TRPM3: variants seen among roughly 807,000 people sequenced by gnomAD.
TRPM3 encodes the protein long transient receptor potential channel 3.
TRPM3 carries 77 observed loss-of-function variants against 181.2 expected under a neutral mutation model. The observed-to-expected ratio is 0.42, with a 90% CI of 0.35 to 0.51. TRPM3 has a LOEUF of 0.51. TRPM3 is among the 20% of genes least tolerant of loss of function. The pLI is 0.01. For synonymous variants in TRPM3, 745 were observed against 796.4 expected (o/e 0.94, Z 1.09); for missense variants, 1,759 against 2,196.7 (o/e 0.80, Z 3.98).
intron 1 of TRPM3, among the ~76,000 whole-genome samples, chr9:71,264,821 C>G (rs1224137321): frequency 1.3e-5 from 2 of 152,126 alleles, no homozygotes; most frequent in African/African-American, 4.8e-5. Context: ...GTCCTTTCTT[C>G]TCACCTTTTA....
In TRPM3 at chr9:70,927,971, A is replaced by G. The variant is rs1443192170; in HGVS notation, c.178-63460T>C. On this transcript the variant is annotated intron_variant, in intron 1 of 25. Coordinates refer to ENST00000677713, the MANE Select transcript of TRPM3 (RefSeq NM_001366145.2). ...CTAAGACATGTCTTATTTCCAAGAC[A>G]ATAAATATACTGCTTGGAAGTATGG... is the stretch of plus-strand genomic sequence containing the variant. 2.0e-5 allele frequency among the ~76,000 whole-genome samples: 3 copies of G among 152,326 alleles called. No individual in the cohort carries two copies. In the East Asian group the frequency reaches 5.8e-4, roughly 29 times the overall value.
At chr9:71,307,054 T>C (rs2087415414) in intron 1 of TRPM3, among the ~76,000 whole-genome samples, 1 of 152,146 alleles carries the variant, frequency 6.6e-6, no homozygotes. Context: ...GAACATTTTA[T>C]GCATTTTTTA....
At chr9:70,888,362 GGTGT>G (rs71367235) in intron 1 of TRPM3, among the ~76,000 whole-genome samples, 12,836 of 143,622 alleles carry the variant, frequency 0.089, 738 homozygotes, top group East Asian at 0.33. Flanking sequence ...TTTATTTTGG[GGTGT>G]GTGTGTGTGT....
intron 1 of TRPM3, among the ~76,000 whole-genome samples, chr9:71,355,008 C>T (rs1313647171): frequency 1.3e-5 from 2 of 152,184 alleles, no homozygotes; most frequent in African/African-American, 4.8e-5. Context: ...GTTCTTTGAG[C>T]TGCTAACCTT....
intron 1 of TRPM3, among the ~76,000 whole-genome samples, chr9:71,255,049 C>G (rs2082588325): frequency 6.6e-6 from 1 of 152,118 alleles, no homozygotes; most frequent in African/African-American, 2.4e-5. Context: ...CTTAACCAGT[C>G]CAACTTAGCC....
intron 22 of TRPM3, among the ~76,000 whole-genome samples, chr9:70,569,230 C>CAT (rs1376253764): frequency 6.6e-6 from 1 of 152,272 alleles, no homozygotes; most frequent in Middle Eastern, 3.4e-3. Context: ...TCCATGGAAA[C>CAT]AGAGACTTCT....
intron 1 of TRPM3, among the ~76,000 whole-genome samples, chr9:71,095,797 AAGAG>A (rs1238159845): frequency 1.3e-5 from 2 of 151,616 alleles, no homozygotes; most frequent in East Asian, 3.9e-4. Flanking sequence ...GAAAAGAAAA[AAGAG>A]AGAAAGAGAG....
chr9:71,282,406 GAAAGAAAAAGAAAAAGAAAGAAAA>G lies in TRPM3; in HGVS notation c.183+164223_183+164246del, dbSNP rs1233162170. On this transcript the variant is annotated intron_variant, in intron 1 of 24. Coordinates refer to the TRPM3 transcript ENST00000357533. ...AAGAAAGGAAAGAAAGAAAGGAAAA[GAAAGAAAAAGAAAAAGAAAGAAAA>G]AAAGAAAGAGAAAATTGTAACTAAA... 7.3e-5 allele frequency among the ~76,000 whole-genome samples: 8 copies of G among 109,846 alleles called. 2 individuals carry two copies. Among genetic ancestry groups the G allele is most frequent in the South Asian group, 2.7e-4 (1 of 3,732 alleles). The allele number at this position is 109,846 out of a possible 152,430, so 72.1% of individuals were successfully genotyped here. A position where few individuals can be genotyped will look rare whatever the true frequency, so the allele number is the denominator to read the frequency against.
intron 1 of TRPM3, among the ~76,000 whole-genome samples, chr9:71,171,071 G>C (rs1411833231): frequency 1.3e-5 from 2 of 152,154 alleles, no homozygotes; most frequent in Non-Finnish European, 2.9e-5. Context: ...CGAGACTGCA[G>C]AGGTGAAATA....
At chr9:70,891,924 C>T (rs142662674) in intron 1 of TRPM3, among the ~76,000 whole-genome samples, 52 of 152,244 alleles carry the variant, frequency 3.4e-4, no homozygotes, top group Admixed American at 1.2e-3. Context: ...GTGCCTTAGG[C>T]GCTTACCATA....
chr9:70,542,145 T>C (rs982509814), intron 25 of TRPM3, among the ~76,000 whole-genome samples: 1 of 152,094 alleles, frequency 6.6e-6, no homozygotes, highest in African/African-American at 2.4e-5. Flanking sequence ...TCAATGTAAA[T>C]GGGCAGGTGT....
chr9:70,777,314 A>T (rs1410038450), intron 7 of TRPM3, among the ~76,000 whole-genome samples: 1 of 152,150 alleles, frequency 6.6e-6, no homozygotes, highest in African/African-American at 2.4e-5. Context: ...AAGCAAATTT[A>T]GTCCATGTAG....
chr9:71,315,853 T>A (rs1413901599), intron 1 of TRPM3, among the ~76,000 whole-genome samples: 1 of 152,168 alleles, frequency 6.6e-6, no homozygotes, highest in African/African-American at 2.4e-5. Context: ...TGTAGATGTA[T>A]TATAGTTTTA....
chr9:70,608,552 C>T (rs894630307), intron 19 of TRPM3, among the ~76,000 whole-genome samples: 4 of 152,148 alleles, frequency 2.6e-5, no homozygotes, highest in African/African-American at 7.2e-5. Flanking sequence ...AATATTATCT[C>T]GGGCTGGGCG....
At chr9:71,229,259 T>C (rs2080890776) in intron 1 of TRPM3, among the ~76,000 whole-genome samples, 1 of 152,090 alleles carries the variant, frequency 6.6e-6, no homozygotes, top group Admixed American at 6.6e-5. Context: ...AAACTGGATT[T>C]CCATATGCAG....
At chr9:71,306,436 T>C (rs1330026971) in intron 1 of TRPM3, among the ~76,000 whole-genome samples, 1 of 152,188 alleles carries the variant, frequency 6.6e-6, no homozygotes, top group African/African-American at 2.4e-5. Context: ...AATATTTCTA[T>C]AACTAATAGA....
chr9:70,869,103 GA>G (rs1301284493), intron 1 of TRPM3: 111 of 959,076 alleles, frequency 1.2e-4, no homozygotes, highest in Middle Eastern at 5.4e-4. Context: ...CCGCCCACTG[GA>G]AAAAAAAAGT....
chr9:71,376,499 T>C (rs1400222342), intron 1 of TRPM3, among the ~76,000 whole-genome samples: 3 of 152,086 alleles, frequency 2.0e-5, no homozygotes, highest in African/African-American at 7.2e-5. Context: ...AATGCCTTAA[T>C]ATCTTTCTTT....
chr9:71,395,256 T>C (rs1013791480), intron 1 of TRPM3, among the ~76,000 whole-genome samples: 3 of 152,228 alleles, frequency 2.0e-5, no homozygotes, highest in African/African-American at 7.2e-5. Context: ...CCATCTCTTG[T>C]ACTCAATTTG....
Sources: allele counts gnomAD v4.1 joint callset (sites outside exome capture counted in the v4.1 genomes callset), GRCh38; gene constraint gnomAD v4.1.1; transcripts MANE v1.5; gene names NCBI Gene and HGNC (gene_info 2026-07-23, HGNC 2026-07-21).